The following POLA2 variants were observed in gnomAD, a reference collection of about 807,000 sequenced individuals.
The protein encoded by POLA2 is DNA polymerase alpha subunit B.
Under a neutral mutation model 82.8 loss-of-function variants are expected in POLA2, and 47 were observed. That is an observed-to-expected ratio of 0.57 (90% CI 0.45 to 0.72). The LOEUF is 0.72. POLA2 is among the 30% of genes least tolerant of loss of function. The pLI is 0.00. For synonymous variants in POLA2, 287 were observed against 286.8 expected, an observed-to-expected ratio of 1.00 and a Z score of -0.01; for missense variants, 634 against 728.1, an observed-to-expected ratio of 0.87 and a Z score of 1.49.
downstream of POLA2, among the ~76,000 whole-genome samples, chr11:65,301,252 A>C (rs1475740431): frequency 6.6e-6 from 1 of 152,186 alleles, no homozygotes; most frequent in East Asian, 1.9e-4. Context: ...CTTCAGAGCC[A>C]GATTGTGAAG....
At chr11:65,267,348 C>A in intron 2 of POLA2, 129 bp from the exon 3 acceptor site, 1 of 590,840 alleles carries the variant, frequency 1.7e-6, no homozygotes, top group Non-Finnish European at 3.0e-6. Context: ...CTGTGTGTAT[C>A]TTAATTCTTT....
At chr11:65,281,192 C>A in intron 8 of POLA2, 45 bp downstream of exon 8, 1 of 1,591,910 alleles carries the variant, frequency 6.3e-7, no homozygotes, top group South Asian at 1.1e-5. Flanking sequence ...CACTCTTTAC[C>A]CCTGTAGTGT....
intron 6 of POLA2, 70 bp from the exon 7 acceptor site, chr11:65,279,468 G>T: frequency 2.1e-6 from 2 of 944,746 alleles, no homozygotes; most frequent in East Asian, 2.5e-5. Context: ...TTTACAATGT[G>T]CTGTATTTTC....
intron 13 of POLA2, among the ~76,000 whole-genome samples, chr11:65,291,134 G>C (rs1322485020): frequency 6.6e-6 from 1 of 152,184 alleles, no homozygotes; most frequent in African/African-American, 2.4e-5. Flanking sequence ...CCAGTGCCAG[G>C]GTTTGAAAGA....
At chr11:65,300,294 C>T (rs967963729), downstream of POLA2, among the ~76,000 whole-genome samples, 2 of 151,948 alleles carry the variant, frequency 1.3e-5, no homozygotes, top group African/African-American at 2.4e-5. Flanking sequence ...CTCCCGGGTT[C>T]GATGGATTAT....
Position 65,291,601 on chromosome 11 carries a change from G to A in POLA2, c.1244+1729G>A, listed in dbSNP as rs150811477. Among the ~76,000 whole-genome samples the A allele has an allele frequency of 5.6e-3, 858 of 152,320 alleles. 8 individuals carry two copies. Among genetic ancestry groups the A allele is most frequent in the Non-Finnish European group, 5.9e-3 (400 of 68,024 alleles). On this transcript the variant is annotated intron_variant, in intron 13 of 17. Transcript: ENST00000265465. ...ATAGACCCCCAAAACACAGGAGCAG[G>A]GCTGTGTTCTTTTGTCAGCCCTTGG...
At chr11:65,303,570 T>A (rs1038669725), downstream of POLA2, among the ~76,000 whole-genome samples, 5 of 152,052 alleles carry the variant, frequency 3.3e-5, no homozygotes, top group African/African-American at 9.7e-5. Flanking sequence ...TACAAATGTT[T>A]ATATGTCGAT....
chr11:65,291,070 C>T (rs1025312605), intron 13 of POLA2, among the ~76,000 whole-genome samples: 4 of 152,210 alleles, frequency 2.6e-5, no homozygotes, highest in East Asian at 3.8e-4. Context: ...AGGCTAAAGC[C>T]GGAAGTGGAA....
intron 5 of POLA2, among the ~76,000 whole-genome samples, chr11:65,276,279 C>G (rs1401279923): frequency 6.6e-6 from 1 of 152,178 alleles, no homozygotes; most frequent in African/African-American, 2.4e-5. Context: ...TGAAAACAAC[C>G]TGTCTATTCA....
At chr11:65,275,011 C>T (rs1337869456) in intron 4 of POLA2, among the ~76,000 whole-genome samples, 2 of 151,934 alleles carry the variant, frequency 1.3e-5, no homozygotes, top group East Asian at 1.9e-4. Flanking sequence ...TATTAAAATA[C>T]CATTAAGGAA....
At chr11:65,300,427 C>A (rs145606515), downstream of POLA2, among the ~76,000 whole-genome samples, 1 of 149,678 alleles carries the variant, frequency 6.7e-6, no homozygotes, top group East Asian at 1.9e-4. Flanking sequence ...AACTCCTGAC[C>A]TCAGGGTTCA....
chr11:65,284,814 A>G (rs1949678937), intron 10 of POLA2, among the ~76,000 whole-genome samples: 1 of 152,126 alleles, frequency 6.6e-6, no homozygotes, highest in Non-Finnish European at 1.5e-5. Flanking sequence ...GGCATGAGTC[A>G]CCACACCCAA....
downstream of POLA2, among the ~76,000 whole-genome samples, chr11:65,302,706 T>C (rs561705788): frequency 3.3e-5 from 5 of 152,056 alleles, no homozygotes; most frequent in African/African-American, 1.2e-4. Flanking sequence ...ATTTGTCATG[T>C]CCACACTCAA....
intron 4 of POLA2, among the ~76,000 whole-genome samples, chr11:65,273,101 CCT>C (rs1949539591): frequency 6.6e-6 from 1 of 151,882 alleles, no homozygotes; most frequent in African/African-American, 2.4e-5. Flanking sequence ...GGATGGATCA[CCT>C]GAGGTCAGGA....
chr11:65,274,599 G>A (rs1949557269), intron 4 of POLA2, among the ~76,000 whole-genome samples: 2 of 151,198 alleles, frequency 1.3e-5, no homozygotes, highest in Admixed American at 1.3e-4. Context: ...AGCATCGCTT[G>A]AACCCAGGAG....
At chr11:65,294,928 A>G (rs1949793980) in intron 15 of POLA2, among the ~76,000 whole-genome samples, 1 of 152,126 alleles carries the variant, frequency 6.6e-6, no homozygotes, top group Admixed American at 6.6e-5. Flanking sequence ...AAATTCATCT[A>G]CATTTTCTTT....
intron 8 of POLA2, among the ~76,000 whole-genome samples, chr11:65,304,049 G>C (rs935788556): frequency 2.0e-5 from 3 of 152,172 alleles, no homozygotes; most frequent in African/African-American, 7.2e-5. Flanking sequence ...AGAGGTGCCT[G>C]GAGTTGTGGT....
Position 65,298,282 on chromosome 11 carries a change from A to G in POLA2, c.*1013A>G. On this transcript the variant is annotated 3_prime_UTR_variant, in exon 18 of 18. Coordinates refer to ENST00000265465, the MANE Select transcript of POLA2 (RefSeq NM_002689.4). ...CCTCGCTGGGCTGTTCCAAAGCTGG[A>G]GTCCTGGTGGCAGCTGCTTTGCCAA... 6.6e-6 allele frequency: 1 copy of G among 152,524 alleles called. No homozygotes were observed. Among genetic ancestry groups the G allele is most frequent in the Non-Finnish European group, 1.5e-5 (1 of 68,174 alleles). 9.4% of individuals were successfully genotyped at this position (152,524 alleles called of 1,614,324 possible).
intron 4 of POLA2, among the ~76,000 whole-genome samples, chr11:65,274,052 A>G (rs896940650): frequency 6.6e-6 from 1 of 152,230 alleles, no homozygotes; most frequent in Non-Finnish European, 1.5e-5. Context: ...ATTGTAGGTC[A>G]GTTTAATTAA....
Sources: allele counts gnomAD v4.1 joint callset (sites outside exome capture counted in the v4.1 genomes callset), GRCh38; gene constraint gnomAD v4.1.1; transcripts MANE v1.5; gene names NCBI Gene and HGNC (gene_info 2026-07-23, HGNC 2026-07-21).